The following ADCY4 variants were observed in gnomAD, a reference collection of about 807,000 sequenced individuals.
ADCY4 encodes the protein adenylate cyclase 4.
A neutral mutation model predicts 125.5 loss-of-function variants in ADCY4; 111 were observed. The observed-to-expected ratio is 0.88, with a 90% CI of 0.76 to 1.04. The LOEUF (loss-of-function observed/expected upper bound fraction) is 1.04. Among genes scored for constraint, ADCY4 ranks in the 50% least tolerant of loss-of-function variants. ADCY4 has a pLI of 0.00. For synonymous variants in ADCY4, 576 were observed against 586.9 expected (o/e 0.98, Z 0.27); for missense variants, 1,256 against 1,382.9 (o/e 0.91, Z 1.46).
chr14:24,328,255 T>C (rs2092866), intron 10 of ADCY4, among the ~76,000 whole-genome samples: 134,914 of 144,940 alleles, frequency 0.93, 63,727 homozygotes, highest in East Asian at 1. Context: ...TCCCTTTCCC[T>C]GGGGGAGTTT....
intron 1 of ADCY4, among the ~76,000 whole-genome samples, chr14:24,333,289 C>T (rs1229529713): frequency 6.6e-6 from 1 of 152,116 alleles, no homozygotes; most frequent in Non-Finnish European, 1.5e-5. Flanking sequence ...GGCGCGATCT[C>T]GGCTTACTGC....
intron 3 of ADCY4, chr14:24,332,269 G>C: frequency 2.2e-6 from 1 of 448,128 alleles, no homozygotes; most frequent in African/African-American, 2.1e-5. Flanking sequence ...CTCTGTCAAG[G>C]TTTCATTAAC....
Position 24,332,693 on chromosome 14 carries a change from G to A in ADCY4, c.358-10C>T. The A allele has an allele frequency of 6.3e-7, 1 of 1,581,962 alleles. No individual in the cohort carries two copies. The highest frequency in any genetic ancestry group is 1.1e-5 in the South Asian group (1 of 87,436). On this transcript the variant is annotated splice_polypyrimidine_tract_variant and intron_variant, in intron 2 of 24. Coordinates refer to ENST00000418030, the MANE Select transcript of ADCY4 (RefSeq NM_001198568.2). ...AGAGAAAATAGGACACCTGGGGGCGGGGCGCGGGAAGCCGAAGGCCCAAGT... is the reference window on the plus strand; with the variant it reads ...AGAGAAAATAGGACACCTGGGGGCGAGGCGCGGGAAGCCGAAGGCCCAAGT...
Position 24,329,997 on chromosome 14 carries a change from G to A in ADCY4, c.1080C>T (p.Gly360=), listed in dbSNP as rs751676186. The change falls in exon 8 of 25, where the codon GGC becomes GGT. Residue 360 remains glycine, a synonymous_variant. Coordinates refer to ENST00000418030, the MANE Select transcript of ADCY4 (RefSeq NM_001198568.2). ...CGCCCACACGCATGTTGATGTCCAC[G>A]CCAGTGGCTGCCCGCAGTTTCCTGA... ...RAIRKLRAAT[G]VDINMRVGVH... The A allele has an allele frequency of 1.1e-4, 177 of 1,613,724 alleles. No individual in the cohort carries two copies. The highest frequency in any genetic ancestry group is 1.4e-4 in the Non-Finnish European group (166 of 1,179,824).
intron 10 of ADCY4, among the ~76,000 whole-genome samples, chr14:24,328,222 A>G (rs191636619): frequency 1.2e-5 from 1 of 81,248 alleles, no homozygotes; most frequent in Non-Finnish European, 2.5e-5. Context: ...GCAGACCGGG[A>G]AAGCGGGGTG....
chr14:24,331,232 T>C lies in ADCY4; in HGVS notation c.794A>G (p.Tyr265Cys), dbSNP rs1428586311. Reference protein sequence around the residue: ...PESTNNFHSLYVKRHQGVSVL... With the variant: ...PESTNNFHSLCVKRHQGVSVL... Reference sequence around the variant, plus strand: ...CCTGACTCCCTGGTGCCTCTTGACATAGAGGCTGTGGAAATTGTTAGTGCT... The same window carrying C: ...CCTGACTCCCTGGTGCCTCTTGACACAGAGGCTGTGGAAATTGTTAGTGCT... The change falls in exon 5 of 25, where the codon TAT becomes TGT. Residue 265 changes from tyrosine (Y) to cysteine (C), a missense_variant. Physicochemically the swap from Tyr to Cys is radical, Grantham distance 194. Coordinates refer to ENST00000418030, the MANE Select transcript of ADCY4 (RefSeq NM_001198568.2). 3.1e-6 allele frequency: 5 copies of C among 1,614,184 alleles called. No individual in the cohort carries two copies. The highest frequency in any genetic ancestry group is 2.2e-5 in the South Asian group (2 of 91,082).
chr14:24,330,076 A>G, intron 7 of ADCY4, 58 bp from the exon 8 acceptor site: 1 of 1,597,862 alleles, frequency 6.3e-7, no homozygotes, highest in Non-Finnish European at 8.6e-7. Context: ...CCTGTGAGAC[A>G]CCCCAGATTC....
At position 24,318,640 on chromosome 14, in the gene ADCY4, T is replaced by A; in HGVS notation, c.3081+14A>T. The stretch of plus-strand genomic sequence containing the variant: ...AGTCCCCCTCCCCCTATGCCTCCAA[T>A]GTGGTTCCCTCACTTGGATTTTGCC... On this transcript the variant is annotated intron_variant, in intron 24 of 24. Coordinates refer to ENST00000418030, the MANE Select transcript of ADCY4 (RefSeq NM_001198568.2). 6.2e-7 allele frequency: 1 copy of A among 1,614,082 alleles called. No individual in the cohort carries two copies.
chr14:24,318,619 C>T (rs1169605919), intron 24 of ADCY4, 35 bp downstream of exon 24: 5 of 1,613,990 alleles, frequency 3.1e-6, no homozygotes, highest in Non-Finnish European at 4.2e-6. Flanking sequence ...ATTCTTAGTC[C>T]CCCTCCCCCT....
chr14:24,319,255 A>G lies in ADCY4; in HGVS notation c.2842-43T>C, dbSNP rs760790557. 1 of 1,612,906 alleles carries G rather than the reference A, an allele frequency of 6.2e-7. No individual in the cohort carries two copies. Among genetic ancestry groups the G allele is most frequent in the Non-Finnish European group, 8.5e-7 (1 of 1,178,892 alleles). ...CACCAGGGTGGGCCAGTGAGGGCACAGGAATAAGTCCCACTAATAAGCCCA... is the reference window on the plus strand; with the variant it reads ...CACCAGGGTGGGCCAGTGAGGGCACGGGAATAAGTCCCACTAATAAGCCCA... On this transcript the variant is annotated intron_variant, in intron 22 of 24. Transcript: ENST00000418030. The surrounding 1 kb of genome is among the most constrained non-coding windows in gnomAD (Gnocchi z 4.5).
At chr14:24,332,210 G>T (rs2042051846) in intron 3 of ADCY4, 3 of 462,554 alleles carry the variant, frequency 6.5e-6, no homozygotes, top group African/African-American at 4.1e-5. Flanking sequence ...CCACTCCACT[G>T]TCGCTACCCA....
At chr14:24,334,457 C>T (rs1242617546) in intron 1 of ADCY4, 37 bp downstream of exon 1, 1 of 1,549,468 alleles carries the variant, frequency 6.5e-7, no homozygotes. Flanking sequence ...AAATGCTCCC[C>T]AGGTAGAGAC....
chr14:24,321,790 G>A, intron 20 of ADCY4: 1 of 1,149,888 alleles, frequency 8.7e-7, no homozygotes. Flanking sequence ...GGGGACCCCT[G>A]CTCCAGACAG....
In ADCY4 at chr14:24,318,426, G is replaced by T. The variant is rs139909706; in HGVS notation, c.3224C>A (p.Thr1075Asn). The part of the protein sequence containing the change: ...DLTRTGPPSA[T>N]LG Reference sequence around the variant, plus strand: ...AAGGCGAGTGCAATCTCAGCCTAGGGTAGCTGAAGGAGGTCCAGTTCGTGT... The same window carrying T: ...AAGGCGAGTGCAATCTCAGCCTAGGTTAGCTGAAGGAGGTCCAGTTCGTGT... Residue 1075 changes from threonine (T) to asparagine (N), a missense_variant, in exon 25 of 25, where the codon ACC becomes AAC. Coordinates refer to ENST00000418030, the MANE Select transcript of ADCY4 (RefSeq NM_001198568.2). The T allele has an allele frequency of 1.9e-5, 31 of 1,613,968 alleles. No homozygotes were observed. Among genetic ancestry groups the T allele is most frequent in the Middle Eastern group, 1.6e-4 (1 of 6,084 alleles).
In ADCY4 at chr14:24,324,264, C is replaced by A. The variant is rs201570643; in HGVS notation, c.1908+43G>T. The stretch of plus-strand genomic sequence containing the variant: ...GCACCCTCTTCAGGACAGGTTGTGA[C>A]CAGGGCTCCGGCATACCACTTCCAC... On this transcript the variant is annotated intron_variant, in intron 15 of 24. Coordinates refer to ENST00000418030, the MANE Select transcript of ADCY4 (RefSeq NM_001198568.2). 9 of 1,614,054 alleles carry A rather than the reference C, an allele frequency of 5.6e-6. No individual in the cohort carries two copies. In the Admixed American group the frequency reaches 1.5e-4, roughly 27 times the overall value.
intron 3 of ADCY4, 49 bp from the exon 4 acceptor site, chr14:24,331,986 G>A: frequency 6.8e-7 from 1 of 1,478,096 alleles, no homozygotes; most frequent in Non-Finnish European, 9.1e-7. Context: ...GGTGCTTGTC[G>A]TGTGTAGTTG....
rs2041901146 is a variant in ADCY4 at position 24,324,123 on chromosome 14, A to G, written c.1985T>C (p.Leu662Pro). Residue 662 changes from leucine to proline, a missense_variant, in exon 16 of 25, where the codon CTG becomes CCG. Transcript: ENST00000418030. ...GGTGGCGGTGCCCAAGGCTATTCTC[A>G]GTCCTGGTCGTGTGGCCACCAGGCC... ...LSGLVATRPG[L>P]RIALGTATIL... 1 of 1,614,230 alleles carries G rather than the reference A, an allele frequency of 6.2e-7. No individual in the cohort carries two copies. Among genetic ancestry groups the G allele is most frequent in the Non-Finnish European group, 8.5e-7 (1 of 1,180,034 alleles).
At chr14:24,323,900 T>G (rs2041897435) in intron 16 of ADCY4, among the ~76,000 whole-genome samples, 162 bp downstream of exon 16, 1 of 152,250 alleles carries the variant, frequency 6.6e-6, no homozygotes, top group Non-Finnish European at 1.5e-5. Flanking sequence ...GCCCAGATGG[T>G]AGATTGCTGG....
intron 6 of ADCY4, 24 bp from the exon 7 acceptor site, chr14:24,330,319 C>T (rs1192609492): frequency 7.4e-6 from 12 of 1,613,338 alleles, no homozygotes; most frequent in African/African-American, 1.3e-5. Flanking sequence ...TGTGGGTGTG[C>T]AGAGGAACCT....
Sources: allele counts gnomAD v4.1 joint callset (sites outside exome capture counted in the v4.1 genomes callset), GRCh38; gene constraint gnomAD v4.1.1; non-coding constraint Gnocchi (gnomAD v3.1); transcripts MANE v1.5; gene names NCBI Gene and HGNC (gene_info 2026-07-23, HGNC 2026-07-21).